The following PRKAR2A variants were observed in gnomAD, a reference collection of about 807,000 sequenced individuals.
The protein encoded by PRKAR2A is cAMP-dependent protein kinase type II-alpha regulatory subunit.
In PRKAR2A, 29 loss-of-function variants were observed where a neutral mutation model predicts 51.9. That is an observed-to-expected ratio of 0.56 (90% CI 0.42 to 0.76). PRKAR2A has a LOEUF of 0.76. PRKAR2A is among the 30% of genes least tolerant of loss of function. The pLI is 0.00. For synonymous variants in PRKAR2A, 178 were observed against 186.2 expected, an observed-to-expected ratio of 0.96 and a Z score of 0.36; for missense variants, 445 against 512.1, an observed-to-expected ratio of 0.87 and a Z score of 1.26.
downstream of PRKAR2A, among the ~76,000 whole-genome samples, chr3:48,744,946 T>C (rs971474881): frequency 2.0e-5 from 3 of 151,562 alleles, no homozygotes; most frequent in African/African-American, 4.9e-5. Context: ...GCAATCTTGG[T>C]TCACTGCAAC....
chr3:48,771,946 GTT>G (rs937718617), intron 6 of PRKAR2A, among the ~76,000 whole-genome samples: 3 of 151,042 alleles, frequency 2.0e-5, no homozygotes, highest in African/African-American at 7.4e-5. Context: ...GTTTTGTTTT[GTT>G]TTTGAGATGG....
chr3:48,791,903 CAAAAAAA>C (rs1177374619), intron 3 of PRKAR2A, among the ~76,000 whole-genome samples: 1 of 41,892 alleles, frequency 2.4e-5, no homozygotes, highest in Non-Finnish European at 3.8e-5. Context: ...AACTCTGTCT[CAAAAAAA>C]AAAAAAAAAA....
chr3:48,802,755 G>A (rs187309703), intron 2 of PRKAR2A, among the ~76,000 whole-genome samples: 27 of 152,216 alleles, frequency 1.8e-4, no homozygotes, highest in African/African-American at 6.5e-4. Flanking sequence ...TACTTCACGC[G>A]GTTTTGTTTT....
intron 1 of PRKAR2A, among the ~76,000 whole-genome samples, chr3:48,833,535 C>T (rs2083229539): frequency 6.7e-6 from 1 of 149,818 alleles, no homozygotes; most frequent in Non-Finnish European, 1.5e-5. Context: ...TGGTGAAACC[C>T]CATCTCTACT....
intron 1 of PRKAR2A, among the ~76,000 whole-genome samples, chr3:48,808,476 A>C (rs934676738): frequency 6.6e-6 from 1 of 152,218 alleles, no homozygotes; most frequent in Non-Finnish European, 1.5e-5. Flanking sequence ...GATGGTCTCG[A>C]TCTCCTGACC....
At position 48,817,444 on chromosome 3, in the gene PRKAR2A, G is replaced by A. The variant is rs529462713; in HGVS notation, c.263-9760C>T. Among the ~76,000 whole-genome samples the A allele has an allele frequency of 4.6e-5, 7 of 152,032 alleles. No homozygotes were observed. In the East Asian group the frequency reaches 1.4e-3, roughly 29 times the overall value. Reference sequence around the variant, plus strand: ...AGGTGGGTGGATCACCTAAGGTCTGGAGTTCGAGACCAGCCTGGCCAACAT... The same window carrying A: ...AGGTGGGTGGATCACCTAAGGTCTGAAGTTCGAGACCAGCCTGGCCAACAT... On this transcript the variant is annotated intron_variant, in intron 1 of 10. Coordinates refer to ENST00000265563, the MANE Select transcript of PRKAR2A (RefSeq NM_004157.4).
rs200704792 is a variant in PRKAR2A, at chr3:48,816,295, GTA to G, written c.263-8613_263-8612del. On this transcript the variant is annotated intron_variant, in intron 1 of 10. Transcript: ENST00000265563. ...GAAACTGGTTCATTGTCTGTCTAGA[GTA>G]TAGACCATGAACTCTTAGAAGACTG... Among the ~76,000 whole-genome samples the G allele has an allele frequency of 7.2e-3, 1,092 of 152,222 alleles. 9 individuals are homozygous for G. The highest frequency in any genetic ancestry group is 0.025 in the African/African-American group (1,042 of 41,524).
chr3:48,766,338 C>CA (rs772586970), intron 6 of PRKAR2A, among the ~76,000 whole-genome samples: 24 of 151,934 alleles, frequency 1.6e-4, no homozygotes, highest in Non-Finnish European at 3.4e-4. Flanking sequence ...GAGGCTGAGT[C>CA]AGACAGATCA....
At chr3:48,813,416 C>T (rs2107378430) in intron 1 of PRKAR2A, among the ~76,000 whole-genome samples, 1 of 151,582 alleles carries the variant, frequency 6.6e-6, no homozygotes, top group East Asian at 1.9e-4. Flanking sequence ...AAAAAAAAGG[C>T]TGGACATGGT....
At chr3:48,799,194 G>A (rs752537110) in intron 2 of PRKAR2A, among the ~76,000 whole-genome samples, 2 of 152,104 alleles carry the variant, frequency 1.3e-5, no homozygotes, top group African/African-American at 2.4e-5. Flanking sequence ...GATCCCCTAC[G>A]CAACCTCAAA....
chr3:48,764,882 C>G, intron 8 of PRKAR2A, 122 bp downstream of exon 8: 1 of 793,248 alleles, frequency 1.3e-6, no homozygotes, highest in Non-Finnish European at 2.0e-6. Flanking sequence ...GCCTCAGCCT[C>G]CCGAAGTGTT....
At chr3:48,752,000 C>A (rs1322337155) in intron 10 of PRKAR2A, among the ~76,000 whole-genome samples, 176 bp downstream of exon 10, 2 of 152,178 alleles carry the variant, frequency 1.3e-5, no homozygotes, top group Admixed American at 6.5e-5. Context: ...CACAGGCTGT[C>A]ATCAGTACTC....
intron 8 of PRKAR2A, among the ~76,000 whole-genome samples, chr3:48,763,366 T>G (rs2081891154): frequency 6.6e-6 from 1 of 152,068 alleles, no homozygotes; most frequent in Non-Finnish European, 1.5e-5. Context: ...CTATCTACCT[T>G]GAAGATAGAT....
rs544990170 is a variant in PRKAR2A, at chr3:48,810,764, CAT to C, written c.263-3082_263-3081del. 2.0e-3 allele frequency among the ~76,000 whole-genome samples: 303 copies of C among 152,002 alleles called. 1 individual carries two copies. Among genetic ancestry groups the C allele is most frequent in the African/African-American group, 7.1e-3 (293 of 41,424 alleles). On this transcript the variant is annotated intron_variant, in intron 1 of 10. Transcript: ENST00000265563. ...GCAAACGCCATAATCATTATATTAT[CAT>C]ATATAATATTCAAAAGGGAGAAACA... is the stretch of plus-strand genomic sequence containing the variant.
chr3:48,826,362 T>A (rs750559880), intron 1 of PRKAR2A, among the ~76,000 whole-genome samples: 4 of 152,126 alleles, frequency 2.6e-5, no homozygotes, highest in Non-Finnish European at 5.9e-5. Context: ...ATAGTTTTAT[T>A]ATAAAGGATA....
chr3:48,824,182 A>C (rs943471818), intron 1 of PRKAR2A, among the ~76,000 whole-genome samples: 2 of 152,134 alleles, frequency 1.3e-5, no homozygotes, highest in Non-Finnish European at 2.9e-5. Context: ...AGGCGGTTGC[A>C]GTGAGCTGAG....
intron 1 of PRKAR2A, among the ~76,000 whole-genome samples, chr3:48,831,089 C>T (rs1021495535): frequency 3.3e-5 from 5 of 152,060 alleles, no homozygotes; most frequent in African/African-American, 7.2e-5. Context: ...GGGTGGGGAC[C>T]CGGGATGTAC....
chr3:48,846,044 T>C (rs1486938713), intron 1 of PRKAR2A, among the ~76,000 whole-genome samples: 3 of 152,112 alleles, frequency 2.0e-5, no homozygotes, highest in South Asian at 2.1e-4. Flanking sequence ...TGCGTACTCT[T>C]GGAGTTTATT....
Position 48,847,226 on chromosome 3 carries a change from T to A in PRKAR2A, c.262+109A>T, listed in dbSNP as rs2083479021. On this transcript the variant is annotated intron_variant, in intron 1 of 10. Coordinates refer to ENST00000265563, the MANE Select transcript of PRKAR2A (RefSeq NM_004157.4). The surrounding 1 kb of genome is among the most constrained non-coding windows in gnomAD (Gnocchi z 4.4). ...AGAAACGCGGCTACAGAGCTCCCAA[T>A]CCCAGCCTGCGGTCGGCTTGGCTGC... is the stretch of plus-strand genomic sequence containing the variant. 3 of 1,383,704 alleles carry A rather than the reference T, an allele frequency of 2.2e-6. No homozygotes were observed. The highest frequency in any genetic ancestry group is 2.9e-6 in the Non-Finnish European group (3 of 1,024,688). The allele number at this position is 1,383,704 out of a possible 1,614,324, so 85.7% of individuals were successfully genotyped here.
Sources: allele counts gnomAD v4.1 joint callset (sites outside exome capture counted in the v4.1 genomes callset), GRCh38; gene constraint gnomAD v4.1.1; non-coding constraint Gnocchi (gnomAD v3.1); transcripts MANE v1.5; gene names NCBI Gene and HGNC (gene_info 2026-07-23, HGNC 2026-07-21).